The following HSD17B2 variants were observed in gnomAD, a reference collection of about 807,000 sequenced individuals.
HSD17B2 encodes hydroxysteroid 17-beta dehydrogenase 2.
Under a neutral mutation model 26.9 loss-of-function variants are expected in HSD17B2, and 32 were observed. That is an observed-to-expected ratio of 1.19 (90% CI 0.90 to 1.60). HSD17B2 has a LOEUF of 1.60. HSD17B2 is among the 40% of genes most tolerant of loss of function. The pLI, the probability that HSD17B2 is intolerant of heterozygous loss-of-function variation, is 0.00. For missense variants in HSD17B2, 613 were observed against 468.6 expected (o/e 1.31, Z -2.85); for synonymous variants, 246 against 186.7 (o/e 1.32, Z -2.59).
intron 3 of HSD17B2, among the ~76,000 whole-genome samples, chr16:82,072,430 A>G (rs555095477): frequency 1.3e-5 from 2 of 152,266 alleles, no homozygotes; most frequent in East Asian, 3.9e-4. Context: ...TGGAAGCCTC[A>G]CCTTTCTCAT....
chr16:82,070,733 C>T, intron 2 of HSD17B2: 7 of 581,386 alleles, frequency 1.2e-5, no homozygotes, highest in Middle Eastern at 9.0e-4. Flanking sequence ...TACTTTACAT[C>T]TCTGCACATC....
chr16:82,071,177 G>T, intron 3 of HSD17B2, 50 bp downstream of exon 3: 2 of 1,559,482 alleles, frequency 1.3e-6, no homozygotes, highest in Non-Finnish European at 1.8e-6. Flanking sequence ...CACAAGACAT[G>T]GCTCATGGCA....
chr16:82,059,513 G>C (rs1175178181), intron 1 of HSD17B2, among the ~76,000 whole-genome samples: 1 of 152,204 alleles, frequency 6.6e-6, no homozygotes, highest in African/African-American at 2.4e-5. Flanking sequence ...AGTCTCTGGG[G>C]ATGGGCATTG....
intron 1 of HSD17B2, among the ~76,000 whole-genome samples, chr16:82,036,499 T>TA (rs113969751): frequency 2.4e-4 from 35 of 148,658 alleles, no homozygotes; most frequent in East Asian, 1.8e-3. Context: ...CCCTACCAAA[T>TA]AAAAAAAAAA....
At chr16:82,074,423 C>T (rs1256296726) in intron 3 of HSD17B2, among the ~76,000 whole-genome samples, 3 of 152,096 alleles carry the variant, frequency 2.0e-5, no homozygotes, top group Admixed American at 2.0e-4. Flanking sequence ...GTAACAATAT[C>T]AGAAGAGATG....
rs1904644479 is a variant in HSD17B2 at position 82,090,235 on chromosome 16, T to A, written c.665-667T>A. 1.2e-5 allele frequency: 12 copies of A among 977,398 alleles called. No individual in the cohort carries two copies. The South Asian group carries it at 1.4e-4, about 12-fold the overall frequency. The allele number at this position is 977,398 out of a possible 1,614,324, so 60.5% of individuals were successfully genotyped here. On this transcript the variant is annotated intron_variant, in intron 3 of 4. Transcript: ENST00000199936. ...TATGTTTACCAGGAACCTCAGAAGG[T>A]ATGTTGGTCAGGCTAGAAGATCAGG... is the stretch of plus-strand genomic sequence containing the variant.
chr16:82,065,621 C>A (rs1219925610), intron 1 of HSD17B2, among the ~76,000 whole-genome samples: 2 of 152,206 alleles, frequency 1.3e-5, no homozygotes, highest in Admixed American at 1.3e-4. Context: ...ATACTTTTAA[C>A]TCCAACCTGG....
At chr16:82,085,496 G>C (rs1370955862) in intron 3 of HSD17B2, among the ~76,000 whole-genome samples, 2 of 152,088 alleles carry the variant, frequency 1.3e-5, no homozygotes, top group African/African-American at 4.8e-5. Context: ...ATATGAACCG[G>C]GATCTGTTTT....
intron 1 of HSD17B2, among the ~76,000 whole-genome samples, chr16:82,042,617 T>A (rs1913797982): frequency 6.6e-6 from 1 of 152,120 alleles, no homozygotes; most frequent in African/African-American, 2.4e-5. Flanking sequence ...TATATTTTAT[T>A]TTATTTTATT....
intron 1 of HSD17B2, among the ~76,000 whole-genome samples, chr16:82,067,080 A>G (rs750060085): frequency 5.9e-5 from 9 of 152,204 alleles, no homozygotes; most frequent in Non-Finnish European, 8.8e-5. Flanking sequence ...CTCTCTTTGC[A>G]GACAGTAGAT....
At chr16:82,079,543 T>G (rs186049833) in intron 3 of HSD17B2, among the ~76,000 whole-genome samples, 79 of 152,326 alleles carry the variant, frequency 5.2e-4, no homozygotes, top group African/African-American at 1.7e-3. Context: ...TATCTTCAAA[T>G]GCAGTCACGT....
intron 3 of HSD17B2, among the ~76,000 whole-genome samples, chr16:82,083,648 G>A (rs772964059): frequency 6.6e-6 from 1 of 152,152 alleles, no homozygotes. Context: ...CTGACAGTCT[G>A]TATGCTTGCA....
At chr16:82,097,284 G>GTATATATATACACATATATA (rs746143210) in intron 4 of HSD17B2, 2 of 118,302 alleles carry the variant, frequency 1.7e-5, no homozygotes, top group Non-Finnish European at 3.9e-5. Flanking sequence ...GTGTATGTGT[G>GTATATATATACACATATATA]TGTGTGTGTA....
At chr16:82,057,654 G>C (rs1914313356) in intron 1 of HSD17B2, among the ~76,000 whole-genome samples, 1 of 152,192 alleles carries the variant, frequency 6.6e-6, no homozygotes, top group African/African-American at 2.4e-5. Flanking sequence ...GCAGTCTTAA[G>C]TCACATGGGT....
chr16:82,035,514 C>A lies in HSD17B2; in HGVS notation c.90C>A (p.Ser30Arg). ...CAGTATTTTGCAAATACAAGAAGAG[C>A]TCAGGGCAGCTGTGGAGCTGGATGG... is the stretch of plus-strand genomic sequence containing the variant. ...CGTVFCKYKK[S>R]SGQLWSWMVC... Residue 30 changes from serine to arginine, a missense_variant, in exon 1 of 5, where the codon AGC becomes AGA. By Grantham distance (110) the Ser-to-Arg change is moderately radical (BLOSUM62 -1). Coordinates refer to ENST00000199936, the MANE Select transcript of HSD17B2 (RefSeq NM_002153.3). 6.2e-7 allele frequency: 1 copy of A among 1,614,158 alleles called. No homozygotes were observed. The highest frequency in any genetic ancestry group is 8.5e-7 in the Non-Finnish European group (1 of 1,180,032).
In HSD17B2 at chr16:82,068,303, G is replaced by C; in HGVS notation, c.399G>C (p.Ser133=). Residue 133 remains serine, a synonymous_variant, in exon 2 of 5, where the codon TCG becomes TCC. Coordinates refer to ENST00000199936, the MANE Select transcript of HSD17B2 (RefSeq NM_002153.3). The part of the protein sequence containing the change: ...ELRRTCSPRL[S]VLQMDITKPV... ...GAAGAACCTGCTCTCCGCGCCTCTC[G>C]GTGCTCCAAATGGACATCACGAAGC... 6.2e-7 allele frequency: 1 copy of C among 1,614,040 alleles called. No homozygotes were observed. The highest frequency in any genetic ancestry group is 8.5e-7 in the Non-Finnish European group (1 of 1,180,004).
chr16:82,071,571 G>T (rs1325542777), intron 3 of HSD17B2: 2 of 299,558 alleles, frequency 6.7e-6, no homozygotes, highest in Non-Finnish European at 1.3e-5. Context: ...GCCTGCTATT[G>T]TTAACCCGAA....
At chr16:82,068,738 CCTT>C (rs1219468409) in intron 2 of HSD17B2, among the ~76,000 whole-genome samples, 2 of 152,172 alleles carry the variant, frequency 1.3e-5, no homozygotes, top group Non-Finnish European at 2.9e-5. Context: ...TGGTCACTGT[CCTT>C]CTTTACCCAT....
intron 1 of HSD17B2, among the ~76,000 whole-genome samples, chr16:82,056,910 G>A (rs1914285748): frequency 6.6e-6 from 1 of 152,124 alleles, no homozygotes; most frequent in Non-Finnish European, 1.5e-5. Flanking sequence ...TATTCTTTCT[G>A]AAGCTTGGTT....
Sources: gnomAD v4.1 joint callset for allele counts (sites outside exome capture counted in the v4.1 genomes callset) on GRCh38, gnomAD v4.1.1 for gene constraint, MANE v1.5 for transcripts, NCBI Gene and HGNC (gene_info 2026-07-23, HGNC 2026-07-21) for gene names.